Variants in PTPRT observed in about 807,000 individuals in gnomAD.
PTPRT encodes the protein protein tyrosine phosphatase receptor type T.
In PTPRT, 56 loss-of-function variants were observed where a neutral mutation model predicts 176.8. That is an observed-to-expected ratio of 0.32 (90% CI 0.26 to 0.40). The LOEUF (loss-of-function observed/expected upper bound fraction) is 0.40, where lower values mean the gene tolerates loss of function less well. Among genes scored for constraint, PTPRT ranks in the 10% least tolerant of loss-of-function variants. The pLI is 1.00. For missense variants in PTPRT, 1,540 were observed against 1,908.2 expected (o/e 0.81, Z 3.60); for synonymous variants, 783 against 739.0 (o/e 1.06, Z -0.96).
chr20:42,639,146 T>A (rs1310032587), intron 7 of PTPRT, among the ~76,000 whole-genome samples: 1 of 152,200 alleles, frequency 6.6e-6, no homozygotes, highest in Non-Finnish European at 1.5e-5. Context: ...TGACCTCTTC[T>A]ACAAGGAGCC....
At chr20:42,886,093 T>C (rs572442618) in intron 1 of PTPRT, among the ~76,000 whole-genome samples, 161 bp from the exon 2 acceptor site, 2 of 151,838 alleles carry the variant, frequency 1.3e-5, no homozygotes, top group Admixed American at 1.3e-4. Context: ...AATTGGATTT[T>C]TATATTTGCT....
chr20:42,673,980 T>A (rs1328579506), intron 7 of PTPRT, among the ~76,000 whole-genome samples: 1 of 152,164 alleles, frequency 6.6e-6, no homozygotes, highest in Non-Finnish European at 1.5e-5. Context: ...AGCCTGTAAA[T>A]TCCTCTGGGC....
At chr20:43,093,946 A>G (rs2146311433) in intron 1 of PTPRT, among the ~76,000 whole-genome samples, 1 of 151,996 alleles carries the variant, frequency 6.6e-6, no homozygotes, top group East Asian at 1.9e-4. Flanking sequence ...TTCAGCCTAA[A>G]TTCCACTTCT....
At chr20:43,144,426 C>T (rs1220922742) in intron 1 of PTPRT, among the ~76,000 whole-genome samples, 1 of 152,158 alleles carries the variant, frequency 6.6e-6, no homozygotes, top group Non-Finnish European at 1.5e-5. Flanking sequence ...ATACAGCCAC[C>T]TAATCCCTTC....
At chr20:42,106,727 C>A in intron 24 of PTPRT, 59 bp downstream of exon 24, 1 of 1,578,042 alleles carries the variant, frequency 6.3e-7, no homozygotes, top group South Asian at 1.2e-5. Context: ...GTTCTATCAT[C>A]ATGTTTCTCC....
chr20:42,047,828 C>G, the PTPRT span, among the ~76,000 whole-genome samples: 1 of 152,148 alleles, frequency 6.6e-6, no homozygotes, highest in Admixed American at 6.6e-5. Flanking sequence ...GGAGGCAGGA[C>G]TTCATATTTT....
intron 1 of PTPRT, among the ~76,000 whole-genome samples, chr20:43,013,778 A>C (rs1985246002): frequency 6.6e-6 from 1 of 152,214 alleles, no homozygotes; most frequent in Non-Finnish European, 1.5e-5. Flanking sequence ...CTGGGGATAC[A>C]ATACAAACGC....
the PTPRT span, among the ~76,000 whole-genome samples, chr20:42,037,554 G>T: frequency 6.6e-5 from 10 of 152,202 alleles, no homozygotes; most frequent in African/African-American, 1.9e-4. Context: ...CACCCGAGGG[G>T]CTAGACAAGG....
At chr20:42,350,790 C>A in intron 10 of PTPRT, 60 bp from the exon 11 acceptor site, 1 of 1,252,028 alleles carries the variant, frequency 8.0e-7, no homozygotes, top group Non-Finnish European at 1.2e-6. Context: ...GGCTCCCCAC[C>A]GCCCCTTGCT....
At chr20:42,977,643 A>T (rs894057835) in intron 1 of PTPRT, among the ~76,000 whole-genome samples, 13 of 149,202 alleles carry the variant, frequency 8.7e-5, no homozygotes, top group Non-Finnish European at 1.7e-4. Context: ...TTGTATATAA[A>T]GGCTAGTTTG....
At chr20:42,545,476 CT>C (rs1188206873) in intron 7 of PTPRT, among the ~76,000 whole-genome samples, 1 of 152,076 alleles carries the variant, frequency 6.6e-6, no homozygotes, top group East Asian at 1.9e-4. Flanking sequence ...TGGCGAGATT[CT>C]TTTTTTCCCA....
At chr20:42,348,343 C>A (rs2058225292) in intron 11 of PTPRT, among the ~76,000 whole-genome samples, 4 of 151,692 alleles carry the variant, frequency 2.6e-5, no homozygotes, top group South Asian at 2.1e-4. Context: ...AGACACCAAC[C>A]ATTTCCCCTT....
chr20:42,457,064 T>C (rs182102380), intron 8 of PTPRT, among the ~76,000 whole-genome samples: 2 of 152,346 alleles, frequency 1.3e-5, no homozygotes, highest in African/African-American at 4.8e-5. Flanking sequence ...TTACATTTAT[T>C]GGTATAAGAT....
intron 7 of PTPRT, among the ~76,000 whole-genome samples, chr20:42,583,928 C>T (rs1003671379): frequency 2.0e-5 from 3 of 152,132 alleles, no homozygotes; most frequent in South Asian, 2.1e-4. Context: ...CCCACTATGT[C>T]TTCCAGCCAA....
At chr20:42,667,391 GC>G (rs1435685970) in intron 7 of PTPRT, among the ~76,000 whole-genome samples, 1 of 152,134 alleles carries the variant, frequency 6.6e-6, no homozygotes, top group Non-Finnish European at 1.5e-5. Flanking sequence ...AACACTATAA[GC>G]CTTGCATACA....
intron 1 of PTPRT, among the ~76,000 whole-genome samples, chr20:42,938,682 A>G (rs889311433): frequency 6.6e-6 from 1 of 151,984 alleles, no homozygotes; most frequent in African/African-American, 2.4e-5. Context: ...CCTCCCCCCC[A>G]TGCTTGCTAG....
At chr20:42,149,445 T>C (rs1258483531) in intron 17 of PTPRT, among the ~76,000 whole-genome samples, 1 of 149,088 alleles carries the variant, frequency 6.7e-6, no homozygotes, top group Non-Finnish European at 1.5e-5. Context: ...TTTGAGATGA[T>C]GGAATTTCCC....
At chr20:42,180,224 C>T (rs958176751) in intron 16 of PTPRT, among the ~76,000 whole-genome samples, 2 of 152,154 alleles carry the variant, frequency 1.3e-5, no homozygotes, top group African/African-American at 4.8e-5. Flanking sequence ...GTCCATATTT[C>T]TTATGGGTTC....
rs118069431 is a variant in PTPRT, at chr20:42,743,157, C to T, written c.859+13305G>A. Among the ~76,000 whole-genome samples, 1,147 of 152,286 alleles carry T rather than the reference C, an allele frequency of 7.5e-3. 5 individuals are homozygous for T. The highest frequency in any genetic ancestry group is 0.012 in the Non-Finnish European group (788 of 68,028). On this transcript the variant is annotated intron_variant, in intron 6 of 30. Transcript: ENST00000373187. ...TAACTGCCTGCTCCGTACCACCAGG[C>T]CGCATTCCATCAAAAAGGCACAGTT... is the stretch of plus-strand genomic sequence containing the variant.
Sources: gnomAD v4.1 joint callset for allele counts (sites outside exome capture counted in the v4.1 genomes callset) on GRCh38, gnomAD v4.1.1 for gene constraint, MANE v1.5 for transcripts, NCBI Gene and HGNC (gene_info 2026-07-23, HGNC 2026-07-21) for gene names.